ZNF470: variants seen among roughly 807,000 people sequenced by gnomAD.
ZNF470 encodes zinc finger protein 470.
ZNF470 carries 13 observed loss-of-function variants against 13.9 expected under a neutral mutation model. The observed-to-expected ratio is 0.94, with a 90% CI of 0.61 to 1.49. ZNF470 has a LOEUF of 1.49. Among genes scored for constraint, ZNF470 ranks in the 40% most tolerant of loss-of-function variants. The probability of loss-of-function intolerance (pLI) is 0.00; values close to 1 mark genes in which losing one functional copy is unlikely to be tolerated. For missense variants in ZNF470, 929 were observed against 857.3 expected (o/e 1.08, Z -1.04); for synonymous variants, 293 against 282.9 (o/e 1.04, Z -0.36).
intron 3 of ZNF470, among the ~76,000 whole-genome samples, chr19:56,572,494 A>AT (rs1487571673): frequency 2.9e-5 from 4 of 139,380 alleles, no homozygotes; most frequent in Admixed American, 2.2e-4. Flanking sequence ...GTGAGCCAAG[A>AT]TTGTACCACT....
At chr19:56,575,685 C>A (rs1600567526) in intron 5 of ZNF470, among the ~76,000 whole-genome samples, 1 of 151,998 alleles carries the variant, frequency 6.6e-6, no homozygotes, top group East Asian at 1.9e-4. Context: ...GTTACCCAGG[C>A]TGGAGTTGAA....
intron 3 of ZNF470, among the ~76,000 whole-genome samples, 174 bp downstream of exon 3, chr19:56,570,545 C>G (rs186774133): frequency 5.8e-4 from 88 of 152,264 alleles, no homozygotes; most frequent in African/African-American, 2.0e-3. Context: ...CTCACACAGC[C>G]CAGTGCCCTC....
At position 56,580,016 on chromosome 19, in the gene ZNF470, G is replaced by C. The variant is rs550820083; in HGVS notation, c.*1433G>C. The C allele has an allele frequency of 7.2e-6, 3 of 417,614 alleles. No individual in the cohort carries two copies. The Admixed American group carries it at 1.9e-4, about 27-fold the overall frequency. 25.9% of individuals were successfully genotyped at this position (417,614 alleles called of 1,614,324 possible). ...TAAGGTACAAGATGGACAAAAATAC[G>C]TGCTCTTACAGATCTAGTAGAACAG... On this transcript the variant is annotated 3_prime_UTR_variant, in exon 6 of 6. Transcript: ENST00000330619.
Position 56,570,083 on chromosome 19 carries a change from T to C in ZNF470, c.-32-197T>C, listed in dbSNP as rs1600563341. The C allele has an allele frequency of 9.7e-6, 5 of 514,202 alleles. No individual in the cohort carries two copies. The East Asian group carries it at 1.3e-4, about 13-fold the overall frequency. 31.9% of individuals were successfully genotyped at this position (514,202 alleles called of 1,614,324 possible). A position where few individuals can be genotyped will look rare whatever the true frequency, so the allele number is the denominator to read the frequency against. ...GGGGAGAGGGGGTCAAGAGATATTA[T>C]GCTCATCCTGAAAACCCAGAGCAGA... On this transcript the variant is annotated intron_variant, in intron 2 of 5. Coordinates refer to ENST00000330619, the MANE Select transcript of ZNF470 (RefSeq NM_001001668.4).
In ZNF470 at chr19:56,577,444, C is replaced by A; in HGVS notation, c.1015C>A (p.Pro339Thr). ...QHQRVHTGEK[P>T]YECIECGKAF... ...TCAGAGGGTCCACACTGGAGAGAAACCCTATGAATGTATTGAATGTGGGAA... is the reference window on the plus strand; with the variant it reads ...TCAGAGGGTCCACACTGGAGAGAAAACCTATGAATGTATTGAATGTGGGAA... Residue 339 changes from proline (P) to threonine (T), a missense_variant, in exon 6 of 6, where the codon CCC becomes ACC. Pro to Thr is a conservative substitution (Grantham distance 38, BLOSUM62 -1). Transcript: ENST00000330619. The A allele has an allele frequency of 1.2e-6, 2 of 1,614,120 alleles. No homozygotes were observed. The highest frequency in any genetic ancestry group is 1.7e-6 in the Non-Finnish European group (2 of 1,180,006).
Position 56,577,044 on chromosome 19 carries a change from TAAGAA to T in ZNF470, c.619_623del (p.Lys207LeufsTer23), listed in dbSNP as rs755124653. 3 of 1,588,280 alleles carry T rather than the reference TAAGAA, an allele frequency of 1.9e-6. No individual in the cohort carries two copies. Among genetic ancestry groups the T allele is most frequent in the South Asian group, 1.2e-5 (1 of 86,700 alleles). On this transcript the variant is annotated frameshift_variant, in exon 6 of 6. Transcript: ENST00000330619. LOFTEE classifies it low-confidence loss of function (END_TRUNC). ...AGAGAATATTTAATTTTCATACAGATAAGAAAAGCTTAAAAACACATTCAGTTGTG... is the reference window on the plus strand; with the variant it reads ...AGAGAATATTTAATTTTCATACAGATAAGCTTAAAAACACATTCAGTTGTG...
rs2044503164 is a variant in ZNF470 at position 56,577,845 on chromosome 19, G to T, written c.1416G>T (p.Gln472His). The change falls in exon 6 of 6, where the codon CAG becomes CAT. Residue 472 changes from glutamine to histidine, a missense_variant. Physicochemically the swap from Gln to His is conservative, Grantham distance 24. Transcript: ENST00000330619. ...FSHRGSLTLH[Q>H]RVHTGEKPYE... ...ATCGTGGGTCTCTTACTCTTCATCA[G>T]AGAGTTCATACTGGAGAGAAACCCT... is the stretch of plus-strand genomic sequence containing the variant. 1.9e-6 allele frequency: 3 copies of T among 1,613,804 alleles called. No individual in the cohort carries two copies. The highest frequency in any genetic ancestry group is 2.5e-6 in the Non-Finnish European group (3 of 1,179,878).
At position 56,578,124 on chromosome 19, in the gene ZNF470, C is replaced by T. The variant is rs745939260; in HGVS notation, c.1695C>T (p.Tyr565=). Residue 565 remains tyrosine, a synonymous_variant, in exon 6 of 6, where the codon TAC becomes TAT. Transcript: ENST00000330619. ...GAGTTCATACTGGTGAGAAGCCTTA[C>T]GAATGTATTGAATGTGGGAAGGCCT... ...HQRVHTGEKP[Y]ECIECGKAFS... 8 of 1,613,470 alleles carry T rather than the reference C, an allele frequency of 5.0e-6. No homozygotes were observed. Among genetic ancestry groups the T allele is most frequent in the East Asian group, 4.5e-5 (2 of 44,810 alleles).
In ZNF470 at chr19:56,581,088, T is replaced by C. The variant is rs2044532110; in HGVS notation, c.*2505T>C. The C allele has an allele frequency of 1.0e-6, 1 of 982,160 alleles. No homozygotes were observed. Among genetic ancestry groups the C allele is most frequent in the Non-Finnish European group, 1.2e-6 (1 of 827,012 alleles). The allele number at this position is 982,160 out of a possible 1,614,324, so 60.8% of individuals were successfully genotyped here. ...GGTGGAAAACATCATAGTCAATAGATAAATGAGAGACTGACACAAAGTGTT... is the reference window on the plus strand; with the variant it reads ...GGTGGAAAACATCATAGTCAATAGACAAATGAGAGACTGACACAAAGTGTT... On this transcript the variant is annotated 3_prime_UTR_variant, in exon 6 of 6. Coordinates refer to ENST00000330619, the MANE Select transcript of ZNF470 (RefSeq NM_001001668.4).
Position 56,579,505 on chromosome 19 carries a change from A to G in ZNF470, c.*922A>G. ...TAGTAAACCAAAAGTAACAAGCCAA[A>G]AAAACTTGAATAGATTAATAGCCAT... is the stretch of plus-strand genomic sequence containing the variant. On this transcript the variant is annotated 3_prime_UTR_variant, in exon 6 of 6. Coordinates refer to ENST00000330619, the MANE Select transcript of ZNF470 (RefSeq NM_001001668.4). The G allele has an allele frequency of 1.0e-6, 1 of 985,426 alleles. No individual in the cohort carries two copies. The highest frequency in any genetic ancestry group is 1.2e-6 in the Non-Finnish European group (1 of 829,936). 61.0% of individuals were successfully genotyped at this position (985,426 alleles called of 1,614,324 possible).
At chr19:56,570,411 G>T in intron 3 of ZNF470, 40 bp downstream of exon 3, 1 of 1,599,630 alleles carries the variant, frequency 6.3e-7, no homozygotes, top group Non-Finnish European at 8.6e-7. Flanking sequence ...AAATAGTTTT[G>T]CTTTTCTGGA....
rs2044536828 is a variant in ZNF470 at position 56,581,654 on chromosome 19, A to G, written c.*3071A>G. ...CAGACCTGTATTGTAGTATAGGCCC[A>G]TAATTGTGATATCAAAAATAAAAAT... On this transcript the variant is annotated 3_prime_UTR_variant, in exon 6 of 6. Transcript: ENST00000330619. 19 of 959,380 alleles carry G rather than the reference A, an allele frequency of 2.0e-5. No homozygotes were observed. The highest frequency in any genetic ancestry group is 2.4e-5 in the Non-Finnish European group (19 of 806,354). The allele number at this position is 959,380 out of a possible 1,614,324, so 59.4% of individuals were successfully genotyped here. A position where few individuals can be genotyped will look rare whatever the true frequency, so the allele number is the denominator to read the frequency against.
chr19:56,578,818 C>G lies in ZNF470; in HGVS notation c.*235C>G, dbSNP rs1285732877. ...ACACTTGATTTGAAAAATATATTAACTAATCCATTTCAAGGATTTAGCACA... is the reference window on the plus strand; with the variant it reads ...ACACTTGATTTGAAAAATATATTAAGTAATCCATTTCAAGGATTTAGCACA... On this transcript the variant is annotated 3_prime_UTR_variant, in exon 6 of 6. Transcript: ENST00000330619. 2 of 1,200,472 alleles carry G rather than the reference C, an allele frequency of 1.7e-6. No homozygotes were observed. Among genetic ancestry groups the G allele is most frequent in the African/African-American group, 1.6e-5 (1 of 64,150 alleles). 74.4% of individuals were successfully genotyped at this position (1,200,472 alleles called of 1,614,324 possible). A position where few individuals can be genotyped will look rare whatever the true frequency, so the allele number is the denominator to read the frequency against.
rs756394724 is a variant in ZNF470, at chr19:56,581,864, A to G, written c.*3281A>G. On this transcript the variant is annotated 3_prime_UTR_variant, in exon 6 of 6. Transcript: ENST00000330619. ...AAGGCATTTGGATCTGTGTCATCCA[A>G]TGGCAACTCCCTAAAAGCTGATGCA... The G allele has an allele frequency of 3.1e-5, 31 of 985,264 alleles. No homozygotes were observed. The Admixed American group carries it at 7.4e-4, about 23-fold the overall frequency. The allele number at this position is 985,264 out of a possible 1,614,324, so 61.0% of individuals were successfully genotyped here.
At chr19:56,570,501 C>G in intron 3 of ZNF470, 130 bp downstream of exon 3, 4 of 849,162 alleles carry the variant, frequency 4.7e-6, no homozygotes, top group Non-Finnish European at 7.6e-6. Flanking sequence ...TCTTCCCTTT[C>G]TGATATGTGA....
Position 56,581,964 on chromosome 19 carries a change from A to C in ZNF470, c.*3381A>C. The C allele has an allele frequency of 1.0e-6, 1 of 985,302 alleles. No individual in the cohort carries two copies. The highest frequency in any genetic ancestry group is 1.2e-6 in the Non-Finnish European group (1 of 829,908). 61.0% of individuals were successfully genotyped at this position (985,302 alleles called of 1,614,324 possible). A position where few individuals can be genotyped will look rare whatever the true frequency, so the allele number is the denominator to read the frequency against. On this transcript the variant is annotated 3_prime_UTR_variant, in exon 6 of 6. Coordinates refer to ENST00000330619, the MANE Select transcript of ZNF470 (RefSeq NM_001001668.4). ...AAGTCTGTGATTCCTCAAACTACCC[A>C]TTGTCTTTCCGGTACTTGATTTTTG...
chr19:56,571,982 T>C (rs1257325024), intron 3 of ZNF470, among the ~76,000 whole-genome samples: 2 of 151,936 alleles, frequency 1.3e-5, no homozygotes, highest in Admixed American at 6.6e-5. Flanking sequence ...TTCTTAGGTA[T>C]AATGCCATGA....
Position 56,582,015 on chromosome 19 carries a change from G to A in ZNF470, c.*3432G>A. 1 of 985,344 alleles carries A rather than the reference G, an allele frequency of 1.0e-6. No individual in the cohort carries two copies. Among genetic ancestry groups the A allele is most frequent in the Non-Finnish European group, 1.2e-6 (1 of 829,912 alleles). 61.0% of individuals were successfully genotyped at this position (985,344 alleles called of 1,614,324 possible). ...CCTCCTGTTGGTCAGTTGCTTGCAA[G>A]TAAAGAAACAATCATACAGAATTTG... On this transcript the variant is annotated 3_prime_UTR_variant, in exon 6 of 6. Transcript: ENST00000330619.
chr19:56,582,451 G>T lies in ZNF470; in HGVS notation c.*3868G>T. ...AACCAAATTTAGAGACTATTTTTAT[G>T]CATTGTTAAAGTGGAATGCTGGTTA... On this transcript the variant is annotated 3_prime_UTR_variant, in exon 6 of 6. Coordinates refer to ENST00000330619, the MANE Select transcript of ZNF470 (RefSeq NM_001001668.4). 1.0e-6 allele frequency: 1 copy of T among 985,190 alleles called. No homozygotes were observed. Among genetic ancestry groups the T allele is most frequent in the African/African-American group, 1.7e-5 (1 of 57,240 alleles). 61.0% of individuals were successfully genotyped at this position (985,190 alleles called of 1,614,324 possible). A position where few individuals can be genotyped will look rare whatever the true frequency, so the allele number is the denominator to read the frequency against.
Sources: gnomAD v4.1 joint callset for allele counts (sites outside exome capture counted in the v4.1 genomes callset) on GRCh38, gnomAD v4.1.1 for gene constraint, MANE v1.5 for transcripts, NCBI Gene and HGNC (gene_info 2026-07-23, HGNC 2026-07-21) for gene names.